CBLN2: variants seen among roughly 807,000 people sequenced by gnomAD.
CBLN2 encodes the protein cerebellin 2 precursor.
Under a neutral mutation model 15.0 loss-of-function variants are expected in CBLN2, and 7 were observed. The ratio of observed to expected loss-of-function variants is 0.47; its 90% CI spans 0.27 to 0.88. The LOEUF (loss-of-function observed/expected upper bound fraction) is 0.88. Among genes scored for constraint, CBLN2 ranks in the 40% least tolerant of loss-of-function variants. The pLI is 0.14. For missense variants in CBLN2, 242 were observed against 304.5 expected, an observed-to-expected ratio of 0.79 and a Z score of 1.53; for synonymous variants, 149 against 135.2, an observed-to-expected ratio of 1.10 and a Z score of -0.71.
intron 1 of CBLN2, among the ~76,000 whole-genome samples, chr18:72,612,047 G>T (rs2069625943): frequency 6.6e-6 from 1 of 152,088 alleles, no homozygotes; most frequent in Non-Finnish European, 1.5e-5. Context: ...ATAGATGGCT[G>T]TTAAGTGTGT....
chr18:72,547,446 C>T (rs1240556134), upstream of CBLN2, among the ~76,000 whole-genome samples: 1 of 151,812 alleles, frequency 6.6e-6, no homozygotes, highest in African/African-American at 2.4e-5. Flanking sequence ...CACATGTACC[C>T]CCTAAATCTA....
At chr18:72,556,485 G>A (rs2069227629) in intron 1 of CBLN2, among the ~76,000 whole-genome samples, 1 of 152,164 alleles carries the variant, frequency 6.6e-6, no homozygotes, top group Admixed American at 6.5e-5. Flanking sequence ...TAGAAAGAAA[G>A]AGAAAAGAAA....
At chr18:72,608,782 G>A (rs2069601494) in intron 1 of CBLN2, among the ~76,000 whole-genome samples, 1 of 152,172 alleles carries the variant, frequency 6.6e-6, no homozygotes, top group South Asian at 2.1e-4. Flanking sequence ...CTGAAACTGG[G>A]TAACCTATAA....
intron 1 of CBLN2, among the ~76,000 whole-genome samples, chr18:72,568,526 A>G (rs2069311050): frequency 6.6e-6 from 1 of 152,158 alleles, no homozygotes; most frequent in Admixed American, 6.5e-5. Context: ...CAGTCTTTAA[A>G]GTAATTATTA....
At chr18:72,610,910 A>G (rs2069617496) in intron 1 of CBLN2, among the ~76,000 whole-genome samples, 1 of 152,122 alleles carries the variant, frequency 6.6e-6, no homozygotes, top group South Asian at 2.1e-4. Context: ...CACCTCTAGT[A>G]ATCCCCAGTT....
At chr18:72,555,074 G>A (rs766548083) in intron 1 of CBLN2, among the ~76,000 whole-genome samples, 7 of 151,876 alleles carry the variant, frequency 4.6e-5, no homozygotes, top group Non-Finnish European at 8.8e-5. Context: ...GGTGGAGGTT[G>A]CAGTGAGCCG....
At chr18:72,621,854 G>C (rs138476693) in intron 1 of CBLN2, among the ~76,000 whole-genome samples, 49 of 152,244 alleles carry the variant, frequency 3.2e-4, no homozygotes, top group African/African-American at 1.2e-3. Context: ...GTGAGCCAAG[G>C]TTTCCAAAAC....
At position 72,598,191 on chromosome 18, in the gene CBLN2, G is replaced by T. The variant is rs1811094862; in HGVS notation, c.15+40134C>A. 1.3e-5 allele frequency among the ~76,000 whole-genome samples: 2 copies of T among 150,844 alleles called. 1 individual carries two copies. The highest frequency in any genetic ancestry group is 6.8e-3 in the Middle Eastern group (2 of 294). On this transcript the variant is annotated intron_variant, in intron 1 of 2. Transcript: ENST00000581073. Reference sequence around the variant, plus strand: ...AGCATGGCTCTGAGTTTCATCCAAAGTCCAAAGTAGGTACTCCCTGGTTCT... The same window carrying T: ...AGCATGGCTCTGAGTTTCATCCAAATTCCAAAGTAGGTACTCCCTGGTTCT...
At chr18:72,548,668 T>C (rs1015604479), upstream of CBLN2, among the ~76,000 whole-genome samples, 2 of 152,068 alleles carry the variant, frequency 1.3e-5, no homozygotes, top group Admixed American at 6.6e-5. Flanking sequence ...AGAAATATTA[T>C]TGATCTGAAA....
At chr18:72,615,778 A>T (rs1007503138) in intron 1 of CBLN2, among the ~76,000 whole-genome samples, 2 of 152,178 alleles carry the variant, frequency 1.3e-5, no homozygotes, top group Non-Finnish European at 2.9e-5. Context: ...ACAATATAAC[A>T]AATGATGCAC....
intron 1 of CBLN2, among the ~76,000 whole-genome samples, chr18:72,576,280 A>G (rs1191919233): frequency 1.3e-5 from 2 of 152,196 alleles, no homozygotes; most frequent in African/African-American, 4.8e-5. Context: ...AGAGTTATGA[A>G]GTAAGCACAC....
intron 1 of CBLN2, among the ~76,000 whole-genome samples, chr18:72,561,129 T>C (rs1035072444): frequency 3.3e-5 from 5 of 151,370 alleles, no homozygotes; most frequent in Non-Finnish European, 5.9e-5. Flanking sequence ...GCTATATATA[T>C]ATACATATAT....
rs1202412265 is a variant in CBLN2 at position 72,582,415 on chromosome 18, C to T, written c.16-43643G>A. 2.0e-5 allele frequency among the ~76,000 whole-genome samples: 3 copies of T among 152,252 alleles called. No homozygotes were observed. The East Asian group carries it at 5.8e-4, about 29-fold the overall frequency. Reference sequence around the variant, plus strand: ...TTGGCTTCTATCACTCAAGCTGCCCCATACTCTAAGGCTTGTTCTTTCAGA... The same window carrying T: ...TTGGCTTCTATCACTCAAGCTGCCCTATACTCTAAGGCTTGTTCTTTCAGA... On this transcript the variant is annotated intron_variant, in intron 1 of 2. Transcript: ENST00000581073.
At chr18:72,638,023 G>A (rs1164572798) in intron 1 of CBLN2, among the ~76,000 whole-genome samples, 2 of 152,200 alleles carry the variant, frequency 1.3e-5, no homozygotes, top group Non-Finnish European at 2.9e-5. Flanking sequence ...GGAAAGCTTG[G>A]AGGGGTTGTG....
At chr18:72,613,157 A>G (rs2069633878) in intron 1 of CBLN2, among the ~76,000 whole-genome samples, 1 of 152,156 alleles carries the variant, frequency 6.6e-6, no homozygotes, top group Non-Finnish European at 1.5e-5. Context: ...CTCCACTATT[A>G]TCCCATCTTA....
chr18:72,549,381 T>C (rs577548518), intron 1 of CBLN2, among the ~76,000 whole-genome samples: 1 of 152,362 alleles, frequency 6.6e-6, no homozygotes, highest in Non-Finnish European at 1.5e-5. Flanking sequence ...GTAGCAAAGA[T>C]CTATTTTTTT....
In CBLN2 at chr18:72,628,183, G is replaced by A. The variant is rs1350653558; in HGVS notation, c.15+10142C>T. On this transcript the variant is annotated intron_variant, in intron 1 of 2. Coordinates refer to the CBLN2 transcript ENST00000581073. ...GTTTAATGTTCTGCGTCACCATCTA[G>A]AGTCTTACAATTTTTTAAGAGATCC... Among the ~76,000 whole-genome samples the A allele has an allele frequency of 2.0e-5, 3 of 152,294 alleles. No homozygotes were observed. In the Middle Eastern group the frequency reaches 0.01, roughly 518 times the overall value.
intron 1 of CBLN2, among the ~76,000 whole-genome samples, chr18:72,573,084 A>G (rs2069342619): frequency 1.3e-5 from 2 of 152,166 alleles, no homozygotes; most frequent in Admixed American, 6.5e-5. Context: ...TCAATAAATC[A>G]TGGGATGATA....
chr18:72,576,318 A>G (rs1237551367), intron 1 of CBLN2, among the ~76,000 whole-genome samples: 2 of 152,208 alleles, frequency 1.3e-5, no homozygotes, highest in African/African-American at 2.4e-5. Context: ...GCTTAAAGCA[A>G]CTTCACATCC....
Sources: allele counts gnomAD v4.1 joint callset (sites outside exome capture counted in the v4.1 genomes callset), GRCh38; gene constraint gnomAD v4.1.1; transcripts MANE v1.5; gene names NCBI Gene and HGNC (gene_info 2026-07-23, HGNC 2026-07-21).